AGTPBP1: variants seen among roughly 807,000 people sequenced by gnomAD.
AGTPBP1 encodes ATP/GTP binding carboxypeptidase 1.
In AGTPBP1, 70 loss-of-function variants were observed where a neutral mutation model predicts 143.9. The ratio of observed to expected loss-of-function variants is 0.49; its 90% CI spans 0.40 to 0.59. The LOEUF is 0.59. AGTPBP1 is among the 20% of genes least tolerant of loss of function. The pLI, the probability that AGTPBP1 is intolerant of heterozygous loss-of-function variation, is 0.00. For missense variants in AGTPBP1, 1,229 were observed against 1,464.5 expected, an observed-to-expected ratio of 0.84 and a Z score of 2.62; for synonymous variants, 463 against 500.2, an observed-to-expected ratio of 0.93 and a Z score of 0.99.
At chr9:85,696,771 T>C (rs143772123) in intron 2 of AGTPBP1, among the ~76,000 whole-genome samples, 18 of 152,274 alleles carry the variant, frequency 1.2e-4, no homozygotes, top group African/African-American at 4.3e-4. Context: ...CAGATGTGGA[T>C]AAAAGTAAGT....
At chr9:85,662,730 A>G (rs1472076749) in intron 8 of AGTPBP1, among the ~76,000 whole-genome samples, 2 of 152,162 alleles carry the variant, frequency 1.3e-5, no homozygotes, top group Non-Finnish European at 2.9e-5. Context: ...TAAAATCTCA[A>G]TGCAACAGAA....
chr9:85,802,856 A>G, the AGTPBP1 span, among the ~76,000 whole-genome samples: 1 of 152,208 alleles, frequency 6.6e-6, no homozygotes, highest in Non-Finnish European at 1.5e-5. Flanking sequence ...TGTATGAAAG[A>G]GGCACAAGTA....
At chr9:85,691,862 A>T (rs1427431011) in intron 3 of AGTPBP1, among the ~76,000 whole-genome samples, 1 of 152,120 alleles carries the variant, frequency 6.6e-6, no homozygotes, top group Non-Finnish European at 1.5e-5. Context: ...CACAAAATAT[A>T]AAAAAAGTCT....
intron 17 of AGTPBP1, among the ~76,000 whole-genome samples, chr9:85,599,675 G>A (rs185780252): frequency 6.6e-6 from 1 of 152,258 alleles, no homozygotes; most frequent in African/African-American, 2.4e-5. Context: ...AAAGAGATCA[G>A]ATAGCATATT....
At chr9:85,794,939 T>A in the AGTPBP1 span, among the ~76,000 whole-genome samples, 1 of 152,322 alleles carries the variant, frequency 6.6e-6, no homozygotes, top group South Asian at 2.1e-4. Flanking sequence ...ATTGCTAGTG[T>A]CACGAAATAC....
At chr9:85,645,238 T>C (rs1832742903) in intron 12 of AGTPBP1, among the ~76,000 whole-genome samples, 1 of 152,182 alleles carries the variant, frequency 6.6e-6, no homozygotes, top group African/African-American at 2.4e-5. Flanking sequence ...CTTATTGCTA[T>C]AACTGCTCTG....
intron 17 of AGTPBP1, among the ~76,000 whole-genome samples, chr9:85,612,553 C>T (rs1830374283): frequency 6.6e-6 from 1 of 152,112 alleles, no homozygotes; most frequent in African/African-American, 2.4e-5. Flanking sequence ...TCAGTGTTTC[C>T]CTGAGTCCTG....
At chr9:85,691,536 GGTGTGTGTGTGT>G (rs58713865) in intron 3 of AGTPBP1, among the ~76,000 whole-genome samples, 3 of 144,480 alleles carry the variant, frequency 2.1e-5, no homozygotes, top group Admixed American at 6.9e-5. Flanking sequence ...AAAAAAAGAG[GGTGTGTGTGTGT>G]GTGTGTGTGT....
At chr9:85,633,753 G>T (rs1001118833) in intron 13 of AGTPBP1, among the ~76,000 whole-genome samples, 6 of 151,914 alleles carry the variant, frequency 3.9e-5, no homozygotes, top group Non-Finnish European at 8.8e-5. Flanking sequence ...AAGCACTTAA[G>T]ACACTTAAAA....
chr9:85,634,548 C>T (rs911364998), intron 13 of AGTPBP1, among the ~76,000 whole-genome samples: 3 of 152,084 alleles, frequency 2.0e-5, no homozygotes, highest in Non-Finnish European at 4.4e-5. Context: ...AGATTGGAAG[C>T]CATGACAGGG....
chr9:85,680,101 G>T (rs1467170027), intron 4 of AGTPBP1, among the ~76,000 whole-genome samples: 1 of 151,956 alleles, frequency 6.6e-6, no homozygotes, highest in Non-Finnish European at 1.5e-5. Flanking sequence ...TTTATTTTTA[G>T]ATTTTCTATT....
chr9:85,779,232 TATA>T, the AGTPBP1 span, among the ~76,000 whole-genome samples: 6 of 146,450 alleles, frequency 4.1e-5, no homozygotes, highest in Non-Finnish European at 7.4e-5. Flanking sequence ...TAGATATAGA[TATA>T]GATATAGATA....
In AGTPBP1 at chr9:85,655,291, A is replaced by G. The variant is rs766121190; in HGVS notation, c.939T>C (p.Pro313=). ...QECLAVRTLD[P]LVNTSSLIMR... Reference sequence around the variant, plus strand: ...TTATCAGACTGGAGGTATTGACAAGAGGATCCAGAGTCCTGACTGCCAGAC... The same window carrying G: ...TTATCAGACTGGAGGTATTGACAAGGGGATCCAGAGTCCTGACTGCCAGAC... The change falls in exon 11 of 26, where the codon CCT becomes CCC. Residue 313 remains proline (P), a synonymous_variant. Coordinates refer to ENST00000357081, the MANE Select transcript of AGTPBP1 (RefSeq NM_001330701.2). The G allele has an allele frequency of 1.3e-6, 2 of 1,560,258 alleles. No homozygotes were observed. The highest frequency in any genetic ancestry group is 2.4e-5 in the South Asian group (2 of 84,698).
upstream of AGTPBP1, among the ~76,000 whole-genome samples, chr9:85,746,755 C>CA (rs913903529): frequency 3.2e-4 from 46 of 144,426 alleles, no homozygotes; most frequent in South Asian, 6.6e-4. Context: ...ACTCTTACCA[C>CA]AAAAAAAAAA....
At chr9:85,652,830 T>C (rs986218835) in intron 11 of AGTPBP1, among the ~76,000 whole-genome samples, 1 of 152,134 alleles carries the variant, frequency 6.6e-6, no homozygotes, top group African/African-American at 2.4e-5. Context: ...CTTGTAATTG[T>C]TATCTGAAGT....
At chr9:85,769,055 A>C in the AGTPBP1 span, among the ~76,000 whole-genome samples, 2 of 151,606 alleles carry the variant, frequency 1.3e-5, no homozygotes, top group Non-Finnish European at 2.9e-5. Context: ...CCTGTCAAAA[A>C]AAAAAAAAAA....
At chr9:85,626,957 G>T (rs1763530455) in intron 14 of AGTPBP1, among the ~76,000 whole-genome samples, 1 of 152,116 alleles carries the variant, frequency 6.6e-6, no homozygotes. Context: ...GGCAGATTTG[G>T]GATGGATTTG....
intron 25 of AGTPBP1, among the ~76,000 whole-genome samples, chr9:85,566,834 C>G (rs1245142015): frequency 1.3e-5 from 2 of 152,136 alleles, no homozygotes; most frequent in Non-Finnish European, 2.9e-5. Context: ...AATGCAGCAG[C>G]TGGAGTAAGG....
intron 1 of AGTPBP1, among the ~76,000 whole-genome samples, chr9:85,720,350 G>A (rs976990949): frequency 1.3e-5 from 2 of 152,132 alleles, no homozygotes; most frequent in African/African-American, 4.8e-5. Flanking sequence ...CCTGTTATTG[G>A]TCTATTCAGA....
Sources: allele counts gnomAD v4.1 joint callset (sites outside exome capture counted in the v4.1 genomes callset), GRCh38; gene constraint gnomAD v4.1.1; transcripts MANE v1.5; gene names NCBI Gene and HGNC (gene_info 2026-07-23, HGNC 2026-07-21).